The following SMCHD1 variants were observed in gnomAD, a reference collection of about 807,000 sequenced individuals.
SMCHD1 encodes structural maintenance of chromosomes flexible hinge domain containing 1, also known as structural maintenance of chromosomes flexible hinge domain-containing protein 1.
Under a neutral mutation model 254.7 loss-of-function variants are expected in SMCHD1, and 78 were observed. The ratio of observed to expected loss-of-function variants is 0.31; its 90% CI spans 0.26 to 0.37. The LOEUF is 0.37. SMCHD1 is among the 10% of genes least tolerant of loss of function. SMCHD1 has a pLI of 1.00. For missense variants in SMCHD1, 1,840 were observed against 2,408.1 expected, an observed-to-expected ratio of 0.76 and a Z score of 4.94; for synonymous variants, 766 against 794.9, an observed-to-expected ratio of 0.96 and a Z score of 0.61.
chr18:2,743,703 G>A (rs1387140889), intron 28 of SMCHD1, 58 bp from the exon 29 acceptor site: 1 of 1,314,346 alleles, frequency 7.6e-7, no homozygotes, highest in Non-Finnish European at 1.0e-6. Context: ...ATTTTATTTT[G>A]TTTTTCTGAA....
At chr18:2,661,004 A>G (rs565939171) in intron 1 of SMCHD1, among the ~76,000 whole-genome samples, 1 of 152,362 alleles carries the variant, frequency 6.6e-6, no homozygotes, top group East Asian at 1.9e-4. Context: ...AGCCATAAAA[A>G]AGAATGAGAT....
In SMCHD1 at chr18:2,722,526, G is replaced by A; in HGVS notation, c.2466G>A (p.Lys822=). Residue 822 remains lysine, a synonymous_variant, in exon 20 of 48, where the codon AAG becomes AAA. Transcript: ENST00000320876. ...KAIKFSVKEG[K]PEKFSFGLLD... ...TTTTTGTTTTTGTTAAAGAGGGTAA[G>A]CCAGAGAAATTTTCATTTGGTCTTC... 6.2e-7 allele frequency: 1 copy of A among 1,611,918 alleles called. No individual in the cohort carries two copies. The highest frequency in any genetic ancestry group is 8.5e-7 in the Non-Finnish European group (1 of 1,179,102).
chr18:2,768,914 A>G (rs1161753012), intron 37 of SMCHD1, among the ~76,000 whole-genome samples: 1 of 152,026 alleles, frequency 6.6e-6, no homozygotes, highest in East Asian at 1.9e-4. Context: ...CTTGTATTCT[A>G]TATTCTTTGG....
intron 17 of SMCHD1, among the ~76,000 whole-genome samples, chr18:2,713,362 C>G (rs1460133702): frequency 3.3e-5 from 5 of 152,040 alleles, no homozygotes; most frequent in African/African-American, 7.2e-5. Context: ...TAATTGCACC[C>G]TTTTTTTAAA....
chr18:2,675,184 C>T (rs140069019), intron 5 of SMCHD1, among the ~76,000 whole-genome samples: 2 of 151,638 alleles, frequency 1.3e-5, no homozygotes, highest in African/African-American at 4.8e-5. Flanking sequence ...GACAGAGCCT[C>T]GCATATGGTA....
intron 3 of SMCHD1, among the ~76,000 whole-genome samples, chr18:2,668,461 C>CTACA (rs969857439): frequency 1.1e-4 from 17 of 152,278 alleles, no homozygotes; most frequent in African/African-American, 3.8e-4. Flanking sequence ...AGGTGACTTG[C>CTACA]TACACTACTA....
At chr18:2,767,584 CT>C (rs397858216) in intron 37 of SMCHD1, among the ~76,000 whole-genome samples, 1,304 of 89,148 alleles carry the variant, frequency 0.015, 11 homozygotes, top group African/African-American at 0.049. Flanking sequence ...AACCTATTTC[CT>C]TTTTTTTTTT....
intron 27 of SMCHD1, among the ~76,000 whole-genome samples, chr18:2,739,942 T>C (rs1669874570): frequency 1.3e-5 from 2 of 151,980 alleles, no homozygotes; most frequent in Admixed American, 1.3e-4. Context: ...TTTTTTTTTT[T>C]TAACATTATA....
intron 19 of SMCHD1, among the ~76,000 whole-genome samples, chr18:2,720,908 C>T (rs1314537378): frequency 1.3e-5 from 2 of 152,150 alleles, no homozygotes; most frequent in South Asian, 2.1e-4. Context: ...TGAGCCACCA[C>T]GCCTGGTCAG....
chr18:2,739,547 A>C (rs1479499467), intron 27 of SMCHD1, 27 bp downstream of exon 27: 1 of 1,563,362 alleles, frequency 6.4e-7, no homozygotes, highest in African/African-American at 1.4e-5. Context: ...TTAAAAAACA[A>C]ACAACAAAAA....
Position 2,712,909 on chromosome 18 carries a change from C to T in SMCHD1, c.2260+4989C>T, listed in dbSNP as rs529735083. The stretch of plus-strand genomic sequence containing the variant: ...GCATGATCTGGCCCTTCCTCTCTCT[C>T]CAACTTGATCTCATCCTCACTTACC... On this transcript the variant is annotated intron_variant, in intron 17 of 47. Transcript: ENST00000320876. Among the ~76,000 whole-genome samples, 6 of 152,322 alleles carry T rather than the reference C, an allele frequency of 3.9e-5. No individual in the cohort carries two copies. In the South Asian group the frequency reaches 1.2e-3, roughly 32 times the overall value.
chr18:2,781,464 G>A (rs183971027), intron 44 of SMCHD1, among the ~76,000 whole-genome samples: 17 of 152,120 alleles, frequency 1.1e-4, no homozygotes, highest in Non-Finnish European at 2.5e-4. Flanking sequence ...GTTTTCTGGG[G>A]GAATTTCACC....
chr18:2,759,191 T>G (rs2143672521), intron 34 of SMCHD1, among the ~76,000 whole-genome samples: 1 of 152,334 alleles, frequency 6.6e-6, no homozygotes, highest in East Asian at 1.9e-4. Context: ...ATTTTATTTA[T>G]GAATATTTAT....
At chr18:2,744,491 G>A (rs1054297296) in intron 29 of SMCHD1, among the ~76,000 whole-genome samples, 3 of 151,156 alleles carry the variant, frequency 2.0e-5, no homozygotes, top group Non-Finnish European at 4.4e-5. Context: ...CATATTTATT[G>A]TGTACAACAT....
At chr18:2,733,084 A>C (rs2075174106) in intron 25 of SMCHD1, among the ~76,000 whole-genome samples, 1 of 152,226 alleles carries the variant, frequency 6.6e-6, no homozygotes, top group Non-Finnish European at 1.5e-5. Context: ...CAAAATGTTA[A>C]GTCTTATTAC....
chr18:2,673,067 T>C (rs2073655406), intron 3 of SMCHD1: 2 of 985,406 alleles, frequency 2.0e-6, no homozygotes, highest in Middle Eastern at 5.2e-4. Flanking sequence ...TCATGCTGTA[T>C]AGTGCCATAC....
intron 1 of SMCHD1, among the ~76,000 whole-genome samples, chr18:2,662,084 G>A (rs1233028469): frequency 3.5e-5 from 5 of 143,576 alleles, no homozygotes; most frequent in Non-Finnish European, 6.0e-5. Flanking sequence ...GCGTGAACCC[G>A]GGAAGCGGAG....
Position 2,775,821 on chromosome 18 carries a change from C to T in SMCHD1, c.5263C>T (p.Leu1755=). ...LASDMDCVVT[L]TTDAARRIYD... is the part of the protein sequence containing the mutation. ...AAGTGACATGGACTGTGTAGTCACC[C>T]TAACCACTGACGCTGCACGTCGTAT... Residue 1755 remains leucine, a synonymous_variant, in exon 42 of 48, where the codon CTA becomes TTA. Coordinates refer to ENST00000320876, the MANE Select transcript of SMCHD1 (RefSeq NM_015295.3). The T allele has an allele frequency of 6.2e-7, 1 of 1,612,944 alleles. No individual in the cohort carries two copies. The highest frequency in any genetic ancestry group is 8.5e-7 in the Non-Finnish European group (1 of 1,179,590).
At chr18:2,783,384 T>TTG (rs368938014) in intron 44 of SMCHD1, among the ~76,000 whole-genome samples, 61 of 151,960 alleles carry the variant, frequency 4.0e-4, no homozygotes, top group South Asian at 1.2e-3. Flanking sequence ...CCCACCAAAG[T>TTG]TGTGTGTGTG....
Sources: allele counts gnomAD v4.1 joint callset (sites outside exome capture counted in the v4.1 genomes callset), GRCh38; gene constraint gnomAD v4.1.1; transcripts MANE v1.5; gene names NCBI Gene and HGNC (gene_info 2026-07-23, HGNC 2026-07-21).